NKAIN3: variants seen among roughly 807,000 people sequenced by gnomAD.
NKAIN3 encodes the protein sodium/potassium transporting ATPase interacting 3, also known as sodium/potassium-transporting ATPase subunit beta-1-interacting protein 3.
Under a neutral mutation model 30.2 loss-of-function variants are expected in NKAIN3, and 25 were observed. The ratio of observed to expected loss-of-function variants is 0.83; its 90% CI spans 0.60 to 1.16. The LOEUF (loss-of-function observed/expected upper bound fraction) is 1.16. Among genes scored for constraint, NKAIN3 ranks in the 50% most tolerant of loss-of-function variants. The pLI is 0.00. For missense variants in NKAIN3, 225 were observed against 254.1 expected, an observed-to-expected ratio of 0.89 and a Z score of 0.78; for synonymous variants, 91 against 89.6, an observed-to-expected ratio of 1.02 and a Z score of -0.09.
intron 1 of NKAIN3, among the ~76,000 whole-genome samples, chr8:62,285,819 G>C (rs1200030608): frequency 6.6e-6 from 1 of 152,108 alleles, no homozygotes; most frequent in East Asian, 1.9e-4. Flanking sequence ...CTTCACTTAA[G>C]ATTTTACCTA....
chr8:62,745,744 C>G (rs1399129814), intron 3 of NKAIN3, among the ~76,000 whole-genome samples: 1 of 152,112 alleles, frequency 6.6e-6, no homozygotes. Context: ...CTTCTTTGTT[C>G]TTGTGATTGA....
intron 4 of NKAIN3, among the ~76,000 whole-genome samples, chr8:62,767,064 T>C (rs990878503): frequency 2.0e-5 from 3 of 152,072 alleles, no homozygotes; most frequent in African/African-American, 4.8e-5. Flanking sequence ...CAGTTTCCAT[T>C]CCCCTAACTT....
chr8:62,809,663 A>C (rs1040427487), intron 4 of NKAIN3, among the ~76,000 whole-genome samples: 17 of 152,216 alleles, frequency 1.1e-4, no homozygotes, highest in African/African-American at 4.1e-4. Flanking sequence ...AATTCCATTA[A>C]AATGTACATA....
intron 4 of NKAIN3, among the ~76,000 whole-genome samples, chr8:62,816,499 A>G (rs187298981): frequency 1.8e-4 from 28 of 152,226 alleles, no homozygotes; most frequent in African/African-American, 6.7e-4. Context: ...TGGGAGGTAT[A>G]TACATTGGCA....
At chr8:62,638,217 G>C (rs1322637990) in intron 3 of NKAIN3, among the ~76,000 whole-genome samples, 1 of 152,126 alleles carries the variant, frequency 6.6e-6, no homozygotes, top group Non-Finnish European at 1.5e-5. Context: ...AGCAGTGATG[G>C]TAGGAGGAGG....
At chr8:62,782,631 T>G (rs112404764) in intron 4 of NKAIN3, among the ~76,000 whole-genome samples, 151 of 151,590 alleles carry the variant, frequency 1.0e-3, no homozygotes, top group Admixed American at 1.3e-3. Context: ...ACAACGTGGA[T>G]GGAATTGGAG....
At chr8:62,455,797 A>G (rs556002729) in intron 1 of NKAIN3, among the ~76,000 whole-genome samples, 1 of 152,332 alleles carries the variant, frequency 6.6e-6, no homozygotes, top group South Asian at 2.1e-4. Flanking sequence ...GTTAGCCTCA[A>G]ATAAATTAAC....
At chr8:62,944,060 T>C (rs1188895768) in intron 5 of NKAIN3, among the ~76,000 whole-genome samples, 2 of 151,938 alleles carry the variant, frequency 1.3e-5, no homozygotes, top group Non-Finnish European at 2.9e-5. Flanking sequence ...GCACAGTGTA[T>C]ACTGCTTGGG....
intron 2 of NKAIN3, among the ~76,000 whole-genome samples, chr8:62,582,786 G>T (rs1810347062): frequency 6.6e-6 from 1 of 152,102 alleles, no homozygotes; most frequent in African/African-American, 2.4e-5. Context: ...GGAGGCGCAG[G>T]TTCTGGGGCT....
chr8:62,519,237 G>C (rs1025132377), intron 1 of NKAIN3, among the ~76,000 whole-genome samples: 2 of 152,082 alleles, frequency 1.3e-5, no homozygotes, highest in Non-Finnish European at 2.9e-5. Flanking sequence ...GATGGAAGGA[G>C]GGTTGACTTG....
chr8:62,856,426 A>G (rs1820061406), intron 4 of NKAIN3: 2 of 791,034 alleles, frequency 2.5e-6, no homozygotes, highest in Admixed American at 1.7e-5. Flanking sequence ...ATCCTCTGCT[A>G]TGCTGGTGAT....
intron 4 of NKAIN3, among the ~76,000 whole-genome samples, chr8:62,828,418 CA>C (rs1479311224): frequency 6.6e-6 from 1 of 151,720 alleles, no homozygotes; most frequent in Non-Finnish European, 1.5e-5. Context: ...TGATAATATA[CA>C]AAAAAAGAAT....
chr8:62,500,747 A>G (rs955656616), intron 1 of NKAIN3, among the ~76,000 whole-genome samples: 6 of 152,200 alleles, frequency 3.9e-5, no homozygotes, highest in African/African-American at 1.2e-4. Flanking sequence ...GGAGGTTGTC[A>G]TGGAGAACCA....
chr8:62,737,560 G>A (rs926160312), intron 3 of NKAIN3, among the ~76,000 whole-genome samples: 6 of 152,042 alleles, frequency 3.9e-5, no homozygotes, highest in Non-Finnish European at 7.4e-5. Context: ...CACTGGTAAA[G>A]CCATATTTTA....
intron 4 of NKAIN3, among the ~76,000 whole-genome samples, chr8:62,889,943 C>A (rs949239256): frequency 6.6e-6 from 1 of 151,822 alleles, no homozygotes; most frequent in Non-Finnish European, 1.5e-5. Flanking sequence ...TAAAAAAAAA[C>A]AAAGTTTCTC....
chr8:62,472,485 A>T (rs1448462899), intron 1 of NKAIN3, among the ~76,000 whole-genome samples: 2 of 152,216 alleles, frequency 1.3e-5, no homozygotes, highest in Admixed American at 1.3e-4. Context: ...ATATGAAAGT[A>T]CTTGGCACCT....
intron 3 of NKAIN3, among the ~76,000 whole-genome samples, chr8:62,739,984 T>G (rs1322623863): frequency 6.6e-6 from 1 of 152,188 alleles, no homozygotes; most frequent in Non-Finnish European, 1.5e-5. Flanking sequence ...CTTTTAAGCC[T>G]ATCTGTAAGA....
chr8:62,249,803 C>G (rs1812033758), intron 1 of NKAIN3, among the ~76,000 whole-genome samples: 1 of 152,144 alleles, frequency 6.6e-6, no homozygotes, highest in Non-Finnish European at 1.5e-5. Flanking sequence ...TGAACCGGCT[C>G]CATTGGCGCG....
At chr8:62,603,853 A>G (rs1811049675) in intron 3 of NKAIN3, among the ~76,000 whole-genome samples, 1 of 152,146 alleles carries the variant, frequency 6.6e-6, no homozygotes, top group African/African-American at 2.4e-5. Flanking sequence ...AATCAAATAT[A>G]TGAAGAAATA....
Sources: gnomAD v4.1 joint callset for allele counts (sites outside exome capture counted in the v4.1 genomes callset) on GRCh38, gnomAD v4.1.1 for gene constraint, MANE v1.5 for transcripts, NCBI Gene and HGNC (gene_info 2026-07-23, HGNC 2026-07-21) for gene names.